FER: variants seen among roughly 807,000 people sequenced by gnomAD.
FER encodes FER tyrosine kinase.
Under a neutral mutation model 111.0 loss-of-function variants are expected in FER, and 63 were observed. The ratio of observed to expected loss-of-function variants is 0.57; its 90% CI spans 0.46 to 0.70. The LOEUF is 0.70. Among genes scored for constraint, FER ranks in the 30% least tolerant of loss-of-function variants. The pLI is 0.00. For missense variants in FER, 914 were observed against 954.0 expected (o/e 0.96, Z 0.55); for synonymous variants, 327 against 313.9 (o/e 1.04, Z -0.44).
At chr5:108,877,565 G>A (rs1765215281) in intron 8 of FER, among the ~76,000 whole-genome samples, 1 of 152,174 alleles carries the variant, frequency 6.6e-6, no homozygotes, top group African/African-American at 2.4e-5. Context: ...CTATGCTCTT[G>A]CAATTATATT....
intron 5 of FER, among the ~76,000 whole-genome samples, chr5:108,843,805 G>C (rs1580828173): frequency 6.6e-6 from 1 of 151,906 alleles, no homozygotes; most frequent in African/African-American, 2.4e-5. Context: ...AGGATTACAG[G>C]TGTGAGCCAC....
intron 16 of FER, among the ~76,000 whole-genome samples, chr5:109,072,739 C>A (rs773015220): frequency 6.6e-6 from 1 of 151,978 alleles, no homozygotes; most frequent in Non-Finnish European, 1.5e-5. Context: ...CAAAATATCA[C>A]AAACTATGTG....
chr5:108,831,214 A>G (rs1358039808), intron 3 of FER, among the ~76,000 whole-genome samples: 3 of 152,182 alleles, frequency 2.0e-5, no homozygotes, highest in Non-Finnish European at 4.4e-5. Flanking sequence ...CACTTAAAGA[A>G]TATTTATTTT....
At chr5:108,916,640 A>G (rs1432706510) in intron 10 of FER, among the ~76,000 whole-genome samples, 1 of 152,166 alleles carries the variant, frequency 6.6e-6, no homozygotes, top group Non-Finnish European at 1.5e-5. Context: ...TTTTTGATAT[A>G]GTGAACCTTT....
chr5:108,885,103 C>A (rs1179202344), intron 9 of FER, among the ~76,000 whole-genome samples: 1 of 151,878 alleles, frequency 6.6e-6, no homozygotes, highest in African/African-American at 2.4e-5. Context: ...TGAACTTTTT[C>A]CCTAAGTGAT....
chr5:108,761,176 C>G (rs1428293387), intron 1 of FER, among the ~76,000 whole-genome samples: 5 of 152,174 alleles, frequency 3.3e-5, no homozygotes, highest in African/African-American at 4.8e-5. Flanking sequence ...GGTCCCCCCA[C>G]CTCGGCCTCC....
intron 13 of FER, among the ~76,000 whole-genome samples, chr5:108,964,166 T>G (rs980748395): frequency 6.6e-6 from 1 of 152,186 alleles, no homozygotes; most frequent in African/African-American, 2.4e-5. Flanking sequence ...CTGTGCTATG[T>G]TCTTTATTAT....
chr5:109,047,175 A>C lies in FER; in HGVS notation c.1901A>C (p.Tyr634Ser), dbSNP rs761888755. 6 of 1,603,814 alleles carry C rather than the reference A, an allele frequency of 3.7e-6. No homozygotes were observed. Among genetic ancestry groups the C allele is most frequent in the Non-Finnish European group, 2.6e-6 (3 of 1,174,332 alleles). ...IGVCTQRQPVYIIMELVSGGD... is the reference protein window; with the variant it reads ...IGVCTQRQPVSIIMELVSGGD... Reference sequence around the variant, plus strand: ...GTTTGCACACAAAGACAGCCTGTCTACATCATTATGGAACTGGTTTCAGGT... The same window carrying C: ...GTTTGCACACAAAGACAGCCTGTCTCCATCATTATGGAACTGGTTTCAGGT... The change falls in exon 16 of 20, where the codon TAC (tyrosine) becomes TCC (serine). Residue 634 changes from tyrosine to serine, a missense_variant. By Grantham distance (144) the Tyr-to-Ser change is moderately radical (BLOSUM62 -2). This residue lies in a region of FER where 774 missense variants were observed against 782.6 expected (regional missense o/e 0.99). Transcript: ENST00000281092.
Position 109,181,695 on chromosome 5 carries a change from T to C in FER, c.2203+794T>C, listed in dbSNP as rs188955697. 2.1e-3 allele frequency among the ~76,000 whole-genome samples: 318 copies of C among 152,334 alleles called. 1 individual carries two copies. The highest frequency in any genetic ancestry group is 7.3e-3 in the African/African-American group (303 of 41,578). On this transcript the variant is annotated intron_variant, in intron 18 of 19. Transcript: ENST00000281092. ...ATTATGGAAACTAATTTGTAAAGCATTTATAAATGCCTTAATTTAATTCCC... is the reference window on the plus strand; with the variant it reads ...ATTATGGAAACTAATTTGTAAAGCACTTATAAATGCCTTAATTTAATTCCC...
chr5:108,983,276 TCTGA>T (rs1762202694), intron 13 of FER, among the ~76,000 whole-genome samples: 3 of 152,076 alleles, frequency 2.0e-5, no homozygotes, highest in Admixed American at 6.6e-5. Flanking sequence ...CAATAGCATC[TCTGA>T]CTAAGATTTA....
At chr5:108,793,433 A>T (rs1214483970) in intron 2 of FER, among the ~76,000 whole-genome samples, 2 of 148,624 alleles carry the variant, frequency 1.3e-5, no homozygotes, top group Non-Finnish European at 3.0e-5. Flanking sequence ...GCTTCCAAAT[A>T]TTGGCTATTG....
intron 16 of FER, among the ~76,000 whole-genome samples, chr5:109,075,613 C>T (rs538982469): frequency 6.6e-6 from 1 of 151,730 alleles, no homozygotes; most frequent in Non-Finnish European, 1.5e-5. Flanking sequence ...TTAGTAGAGA[C>T]GGGGTTTCAC....
intron 16 of FER, among the ~76,000 whole-genome samples, chr5:109,073,425 A>G (rs1775984860): frequency 6.6e-6 from 1 of 152,058 alleles, no homozygotes. Context: ...TTATTTAAGG[A>G]TAATATGAGC....
rs1320684123 is a variant in FER at position 109,187,487 on chromosome 5, T to C, written c.2381T>C (p.Met794Thr). The change falls in exon 20 of 20, where the codon ATG becomes ACG. Residue 794 changes from methionine to threonine, a missense_variant. Transcript: ENST00000281092. ...CCAGAGGATATTTCCAAAATCATGA[T>C]GAAGTGTTGGGATTATAAACCTGAA... Reference protein sequence around the residue: ...HCPEDISKIMMKCWDYKPENR... With the variant: ...HCPEDISKIMTKCWDYKPENR... 1.2e-6 allele frequency: 2 copies of C among 1,614,168 alleles called. No homozygotes were observed. The highest frequency in any genetic ancestry group is 8.5e-7 in the Non-Finnish European group (1 of 1,180,014).
chr5:108,879,689 A>G (rs1286947647), intron 8 of FER, among the ~76,000 whole-genome samples: 7 of 78,370 alleles, frequency 8.9e-5, no homozygotes, highest in African/African-American at 6.2e-4. Context: ...TATTTTTTTT[A>G]GATTAAAAAA....
intron 13 of FER, among the ~76,000 whole-genome samples, chr5:109,031,073 TGTTA>T (rs944176664): frequency 1.3e-5 from 2 of 152,108 alleles, no homozygotes; most frequent in Non-Finnish European, 2.9e-5. Flanking sequence ...AGCTGCTTAT[TGTTA>T]GTTGGATCTC....
chr5:108,838,158 A>T (rs941923976), intron 5 of FER, among the ~76,000 whole-genome samples: 11 of 152,160 alleles, frequency 7.2e-5, no homozygotes, highest in Admixed American at 2.0e-4. Context: ...TTATGGAAAT[A>T]GGAGTTTTGT....
chr5:109,094,634 A>C (rs1747254874), intron 16 of FER, among the ~76,000 whole-genome samples: 1 of 152,118 alleles, frequency 6.6e-6, no homozygotes. Flanking sequence ...GGCCATCACA[A>C]CTCTGTCATT....
intron 17 of FER, among the ~76,000 whole-genome samples, chr5:109,102,952 T>G (rs1748436012): frequency 6.6e-6 from 1 of 152,112 alleles, no homozygotes; most frequent in Non-Finnish European, 1.5e-5. Context: ...GCAATAGAAT[T>G]TTACTTGATG....
Sources: allele counts gnomAD v4.1 joint callset (sites outside exome capture counted in the v4.1 genomes callset), GRCh38; gene constraint gnomAD v4.1.1; regional missense constraint gnomAD v4.1.1; transcripts MANE v1.5; gene names NCBI Gene and HGNC (gene_info 2026-07-23, HGNC 2026-07-21).